Variants in HTR2C observed in about 807,000 individuals in gnomAD.
HTR2C encodes 5-hydroxytryptamine receptor 2C.
HTR2C carries 5 observed loss-of-function variants against 21.0 expected under a neutral mutation model. The ratio of observed to expected loss-of-function variants is 0.24; its 90% CI spans 0.12 to 0.50. The LOEUF (loss-of-function observed/expected upper bound fraction) is 0.50, where lower values mean the gene tolerates loss of function less well. HTR2C is among the 20% of genes least tolerant of loss of function. The pLI is 0.98. For synonymous variants in HTR2C, 150 were observed against 145.3 expected (o/e 1.03, Z -0.23); for missense variants, 271 against 371.2 (o/e 0.73, Z 2.22).
At chrX:114,676,617 A>T (rs1032816381) in intron 2 of HTR2C, among the ~76,000 whole-genome samples, 67 of 112,468 alleles carry the variant, frequency 6.0e-4, no homozygotes, top group Non-Finnish European at 9.0e-4. Flanking sequence ...TTTCATACGA[A>T]TTTATTAATT....
intron 4 of HTR2C, among the ~76,000 whole-genome samples, chrX:114,836,087 T>G (rs377761344): frequency 8.3e-5 from 9 of 108,680 alleles, no homozygotes; most frequent in South Asian, 4.1e-4. Flanking sequence ...CTGCGTGCTG[T>G]GAGAACCACT....
At chrX:114,698,795 A>G (rs1248165620) in intron 2 of HTR2C, among the ~76,000 whole-genome samples, 2 of 111,858 alleles carry the variant, frequency 1.8e-5, no homozygotes, top group Non-Finnish European at 3.8e-5. Flanking sequence ...TCCTTTTCAC[A>G]TTAGTGTCTT....
At chrX:114,757,372 A>AT (rs1189599353) in intron 4 of HTR2C, among the ~76,000 whole-genome samples, 1 of 111,824 alleles carries the variant, frequency 8.9e-6, no homozygotes, top group Non-Finnish European at 1.9e-5. Context: ...TAGAATTGTA[A>AT]TTTTTTTGTC....
chrX:114,844,068 AG>A (rs1556466527), intron 4 of HTR2C, among the ~76,000 whole-genome samples: 1 of 111,790 alleles, frequency 8.9e-6, no homozygotes, highest in Non-Finnish European at 1.9e-5. Flanking sequence ...CAACAAAAGT[AG>A]CTACAAAGCA....
At chrX:114,855,712 C>A (rs1239149043) in intron 5 of HTR2C, among the ~76,000 whole-genome samples, 1 of 92,742 alleles carries the variant, frequency 1.1e-5, no homozygotes, top group Non-Finnish European at 2.1e-5. Context: ...GCAACTCTAA[C>A]AATTGCATAG....
intron 4 of HTR2C, among the ~76,000 whole-genome samples, chrX:114,816,235 G>A (rs868973927): frequency 1.1e-5 from 1 of 94,340 alleles, no homozygotes; most frequent in East Asian, 3.2e-4. Context: ...TTGAAGATGA[G>A]AGATGATAGA....
chrX:114,702,823 G>A (rs1158620679), intron 2 of HTR2C, among the ~76,000 whole-genome samples: 40 of 106,494 alleles, frequency 3.8e-4, no homozygotes, highest in African/African-American at 1.1e-3. Flanking sequence ...CCCATCTCAC[G>A]TGCAGAGACA....
intron 2 of HTR2C, among the ~76,000 whole-genome samples, chrX:114,703,869 A>C (rs1353521347): frequency 1.0e-4 from 11 of 110,506 alleles, no homozygotes; most frequent in African/African-American, 3.3e-4. Flanking sequence ...AAAAATGATA[A>C]AGGGGATATC....
At chrX:114,622,669 G>C (rs782793913) in intron 2 of HTR2C, among the ~76,000 whole-genome samples, 12 of 111,882 alleles carry the variant, frequency 1.1e-4, no homozygotes, top group African/African-American at 2.6e-4. Context: ...AGGAAAGAGA[G>C]GCTTGGAAGC....
chrX:114,808,856 C>T (rs1602824874), intron 4 of HTR2C, among the ~76,000 whole-genome samples: 1 of 111,723 alleles, frequency 9.0e-6, no homozygotes, highest in Admixed American at 9.5e-5. Context: ...CTTATACATT[C>T]TGCTTATTAA....
chrX:114,604,851 T>C (rs1928332249), intron 1 of HTR2C, among the ~76,000 whole-genome samples: 2 of 111,512 alleles, frequency 1.8e-5, no homozygotes, highest in South Asian at 7.7e-4. Flanking sequence ...GAGATGTGGC[T>C]GGGGTTTGTC....
Position 114,594,079 on chromosome X carries a change from G to T in HTR2C, c.-147+9420G>T, listed in dbSNP as rs376152959. Among the ~76,000 whole-genome samples the T allele has an allele frequency of 5.4e-5, 6 of 110,364 alleles. No homozygotes were observed. The East Asian group carries it at 1.7e-3, about 31-fold the overall frequency. On this transcript the variant is annotated intron_variant, in intron 1 of 5. Transcript: ENST00000276198. Reference sequence around the variant, plus strand: ...TTAAAGTAAATTTAAGATATCTTTGGCTATTAATAATAAGTAACATTCATT... The same window carrying T: ...TTAAAGTAAATTTAAGATATCTTTGTCTATTAATAATAAGTAACATTCATT...
rs782197938 is a variant in HTR2C, at chrX:114,766,032, A to T, written c.349+34425A>T. On this transcript the variant is annotated intron_variant, in intron 4 of 5. Coordinates refer to ENST00000276198, the MANE Select transcript of HTR2C (RefSeq NM_000868.4). ...AAGATAAATGGTAAAAGATACGGAA[A>T]GAATCAGCTTAGGGTTCAATAAAAG... 5.4e-5 allele frequency among the ~76,000 whole-genome samples: 6 copies of T among 111,901 alleles called. No homozygotes were observed. In the South Asian group the frequency reaches 2.2e-3, roughly 42 times the overall value.
chrX:114,814,806 A>T (rs1602833116), intron 4 of HTR2C, among the ~76,000 whole-genome samples: 1 of 101,638 alleles, frequency 9.8e-6, no homozygotes, highest in Non-Finnish European at 2.0e-5. Context: ...CATATAGTAT[A>T]TATCATATAG....
intron 4 of HTR2C, among the ~76,000 whole-genome samples, chrX:114,797,684 G>A (rs1348697976): frequency 8.9e-6 from 1 of 112,147 alleles, no homozygotes; most frequent in African/African-American, 3.2e-5. Context: ...TTGGCAACAA[G>A]TATTTAATCA....
rs782449604 is a variant in HTR2C, at chrX:114,661,047, C to T, written c.-80+47166C>T. 3.6e-5 allele frequency among the ~76,000 whole-genome samples: 4 copies of T among 112,614 alleles called. No homozygotes were observed. The East Asian group carries it at 1.1e-3, about 31-fold the overall frequency. ...TATTCCCCTCCCCTAAGCTTCCAGG[C>T]TAACTCATGTCTCCCTAACTTTGGC... On this transcript the variant is annotated intron_variant, in intron 2 of 5. Coordinates refer to ENST00000276198, the MANE Select transcript of HTR2C (RefSeq NM_000868.4).
At chrX:114,725,227 T>G (rs1933406958) in intron 2 of HTR2C, among the ~76,000 whole-genome samples, 1 of 111,268 alleles carries the variant, frequency 9.0e-6, no homozygotes, top group African/African-American at 3.3e-5. Context: ...TTTTATTCTT[T>G]TTTCTCTAAA....
intron 5 of HTR2C, among the ~76,000 whole-genome samples, chrX:114,886,841 T>C (rs369265723): frequency 3.3e-4 from 37 of 111,604 alleles, no homozygotes; most frequent in African/African-American, 1.1e-3. Context: ...CAAGTTACCA[T>C]GTAGAATCAT....
chrX:114,766,116 G>T (rs2069945482), intron 4 of HTR2C, among the ~76,000 whole-genome samples: 1 of 111,692 alleles, frequency 9.0e-6, no homozygotes, highest in South Asian at 3.7e-4. Context: ...CAAAGAATTT[G>T]TGCCTGGAAT....
Sources: gnomAD v4.1 joint callset for allele counts (sites outside exome capture counted in the v4.1 genomes callset) on GRCh38, gnomAD v4.1.1 for gene constraint, MANE v1.5 for transcripts, NCBI Gene and HGNC (gene_info 2026-07-23, HGNC 2026-07-21) for gene names.